Variants in UBE2Q2 observed in about 807,000 individuals in gnomAD.
The protein encoded by UBE2Q2 is ubiquitin conjugating enzyme E2 Q2.
Under a neutral mutation model 59.9 loss-of-function variants are expected in UBE2Q2, and 54 were observed. The ratio of observed to expected loss-of-function variants is 0.90; its 90% CI spans 0.72 to 1.13. The LOEUF (loss-of-function observed/expected upper bound fraction) is 1.13, where lower values mean the gene tolerates loss of function less well. Ranked by LOEUF, UBE2Q2 falls within the 50% of genes most tolerant of loss-of-function variation. UBE2Q2 has a pLI of 0.00. For synonymous variants in UBE2Q2, 165 were observed against 155.2 expected, an observed-to-expected ratio of 1.06 and a Z score of -0.47; for missense variants, 433 against 441.9, an observed-to-expected ratio of 0.98 and a Z score of 0.18.
In UBE2Q2 at chr15:75,898,648, A is replaced by C. The variant is rs1364629369; in HGVS notation, c.1097-779A>C. Among the ~76,000 whole-genome samples, 4 of 152,178 alleles carry C rather than the reference A, an allele frequency of 2.6e-5. 1 individual carries two copies. Among genetic ancestry groups the C allele is most frequent in the Admixed American group, 2.6e-4 (4 of 15,272 alleles). On this transcript the variant is annotated intron_variant, in intron 12 of 12. Coordinates refer to ENST00000267938, the MANE Select transcript of UBE2Q2 (RefSeq NM_173469.4). Reference sequence around the variant, plus strand: ...TGATTTTAGGCATAGTCATTTAGTCATTGCACCTGCTGCGATGGCTTCCTT... The same window carrying C: ...TGATTTTAGGCATAGTCATTTAGTCCTTGCACCTGCTGCGATGGCTTCCTT...
At chr15:75,846,123 T>G (rs1896332959) in intron 1 of UBE2Q2, among the ~76,000 whole-genome samples, 1 of 152,226 alleles carries the variant, frequency 6.6e-6, no homozygotes, top group African/African-American at 2.4e-5. Context: ...TGATAAACTT[T>G]TGGCTAATCT....
chr15:75,857,721 A>G (rs1300902917), intron 2 of UBE2Q2, among the ~76,000 whole-genome samples: 1 of 151,276 alleles, frequency 6.6e-6, no homozygotes, highest in Non-Finnish European at 1.5e-5. Flanking sequence ...TAAAAATCAT[A>G]GTGTATAGTT....
chr15:75,863,892 G>C (rs1326448076), intron 3 of UBE2Q2, among the ~76,000 whole-genome samples: 1 of 151,834 alleles, frequency 6.6e-6, no homozygotes, highest in Non-Finnish European at 1.5e-5. Flanking sequence ...TGCCCACCTC[G>C]GCCTCCCAGA....
chr15:75,866,791 T>G (rs1237504570), intron 3 of UBE2Q2, among the ~76,000 whole-genome samples: 2 of 152,228 alleles, frequency 1.3e-5, no homozygotes, highest in African/African-American at 4.8e-5. Flanking sequence ...TTATTTTTAC[T>G]TTCTAGAATT....
At chr15:75,881,731 A>G (rs1383216333) in intron 8 of UBE2Q2, among the ~76,000 whole-genome samples, 1 of 152,226 alleles carries the variant, frequency 6.6e-6, no homozygotes, top group Non-Finnish European at 1.5e-5. Flanking sequence ...AACTTGAGAT[A>G]AAGCATAACA....
At chr15:75,890,599 T>G in intron 10 of UBE2Q2, 116 bp downstream of exon 10, 1 of 914,764 alleles carries the variant, frequency 1.1e-6, no homozygotes, top group Non-Finnish European at 1.7e-6. Flanking sequence ...TAGTTTATTT[T>G]TAAAATAGCG....
chr15:75,866,799 A>G (rs1267101591), intron 3 of UBE2Q2, among the ~76,000 whole-genome samples: 1 of 152,116 alleles, frequency 6.6e-6, no homozygotes, highest in Admixed American at 6.5e-5. Context: ...ACTTTCTAGA[A>G]TTGTGCTTGC....
intron 12 of UBE2Q2, among the ~76,000 whole-genome samples, chr15:75,898,279 T>C (rs191431630): frequency 2.0e-4 from 31 of 152,092 alleles, no homozygotes; most frequent in Admixed American, 1.8e-3. Context: ...TATTTGAGAG[T>C]GTGTGGGTAT....
At chr15:75,872,228 A>C (rs1308177741) in intron 4 of UBE2Q2, among the ~76,000 whole-genome samples, 2 of 152,096 alleles carry the variant, frequency 1.3e-5, no homozygotes, top group African/African-American at 2.4e-5. Context: ...ACTCCATCTC[A>C]AAAAATAAAA....
chr15:75,875,126 A>G (rs577256380), intron 5 of UBE2Q2, among the ~76,000 whole-genome samples: 62 of 152,346 alleles, frequency 4.1e-4, no homozygotes, highest in African/African-American at 1.1e-3. Flanking sequence ...CAAAACAACT[A>G]TAAGTTACTG....
intron 3 of UBE2Q2, among the ~76,000 whole-genome samples, chr15:75,865,812 T>G (rs1463948740): frequency 6.6e-6 from 1 of 152,132 alleles, no homozygotes; most frequent in East Asian, 1.9e-4. Context: ...TTGTTTTTTT[T>G]TTTTTTAACC....
At position 75,899,137 on chromosome 15, in the gene UBE2Q2, A is replaced by T. The variant is rs577694537; in HGVS notation, c.1097-290A>T. 2.2e-3 allele frequency among the ~76,000 whole-genome samples: 336 copies of T among 149,764 alleles called. 1 individual carries two copies. Among genetic ancestry groups the T allele is most frequent in the African/African-American group, 8.1e-3 (332 of 40,864 alleles). On this transcript the variant is annotated intron_variant, in intron 12 of 12. Coordinates refer to ENST00000267938, the MANE Select transcript of UBE2Q2 (RefSeq NM_173469.4). Reference sequence around the variant, plus strand: ...AAAAAAAAAAAAAAATTAGTGGGGCATAGTGGCGCATGCCTATAATCCCAG... The same window carrying T: ...AAAAAAAAAAAAAAATTAGTGGGGCTTAGTGGCGCATGCCTATAATCCCAG...
At chr15:75,894,746 G>T (rs929149194) in intron 11 of UBE2Q2, among the ~76,000 whole-genome samples, 1 of 152,030 alleles carries the variant, frequency 6.6e-6, no homozygotes, top group Non-Finnish European at 1.5e-5. Flanking sequence ...ACTGATAATT[G>T]AGACTGGGGA....
intron 8 of UBE2Q2, among the ~76,000 whole-genome samples, chr15:75,882,444 G>A (rs1159052906): frequency 6.6e-6 from 1 of 152,122 alleles, no homozygotes; most frequent in African/African-American, 2.4e-5. Context: ...GAGTTATTCT[G>A]AACTGTTTAA....
intron 4 of UBE2Q2, among the ~76,000 whole-genome samples, chr15:75,869,680 C>T (rs547590172): frequency 1.3e-5 from 2 of 152,268 alleles, no homozygotes; most frequent in African/African-American, 4.8e-5. Flanking sequence ...GAGGAAGGAG[C>T]CCTCTTGGCT....
Position 75,875,038 on chromosome 15 carries a change from TAAA to T in UBE2Q2, c.589-1145_589-1143del, listed in dbSNP as rs1269295804. 4.6e-5 allele frequency among the ~76,000 whole-genome samples: 7 copies of T among 152,318 alleles called. No homozygotes were observed. The East Asian group carries it at 1.3e-3, about 29-fold the overall frequency. ...GTCAAGCCCCCATATCTTGATTACT[TAAA>T]AAACAAAGTTTGTCATTTGAATTAA... On this transcript the variant is annotated intron_variant, in intron 5 of 12. Transcript: ENST00000267938.
chr15:75,895,793 C>T (rs990571645), intron 11 of UBE2Q2, among the ~76,000 whole-genome samples: 1 of 151,992 alleles, frequency 6.6e-6, no homozygotes, highest in Non-Finnish European at 1.5e-5. Context: ...TGGGCAGACA[C>T]ATTTGTGCAG....
intron 4 of UBE2Q2, among the ~76,000 whole-genome samples, chr15:75,873,093 T>A (rs1235865369): frequency 6.6e-6 from 1 of 152,216 alleles, no homozygotes; most frequent in Non-Finnish European, 1.5e-5. Flanking sequence ...TGGAACAAAC[T>A]AGGAACACTT....
chr15:75,891,464 C>A (rs1211013413), intron 11 of UBE2Q2, among the ~76,000 whole-genome samples: 1 of 145,138 alleles, frequency 6.9e-6, no homozygotes, highest in Non-Finnish European at 1.5e-5. Context: ...TTTTTTTTTT[C>A]TCTGTGCCTA....
Sources: allele counts gnomAD v4.1 joint callset (sites outside exome capture counted in the v4.1 genomes callset), GRCh38; gene constraint gnomAD v4.1.1; transcripts MANE v1.5; gene names NCBI Gene and HGNC (gene_info 2026-07-23, HGNC 2026-07-21).